The following EPHA3 variants were observed in gnomAD, a reference collection of about 807,000 sequenced individuals.
EPHA3 encodes the protein ephrin type-A receptor 3.
In EPHA3, 42 loss-of-function variants were observed where a neutral mutation model predicts 107.1. That is an observed-to-expected ratio of 0.39 (90% CI 0.31 to 0.51). EPHA3 has a LOEUF of 0.51. Ranked by LOEUF, EPHA3 falls within the 20% of genes least tolerant of loss-of-function variation. The pLI is 0.78. For synonymous variants in EPHA3, 461 were observed against 424.8 expected (o/e 1.09, Z -1.05); for missense variants, 1,183 against 1,211.2 (o/e 0.98, Z 0.35).
chr3:89,410,100 T>A (rs531750299), intron 9 of EPHA3, among the ~76,000 whole-genome samples: 1 of 151,940 alleles, frequency 6.6e-6, no homozygotes, highest in Non-Finnish European at 1.5e-5. Flanking sequence ...GGGTCAGCAG[T>A]TAAAGATCAG....
At chr3:89,349,434 G>A (rs1707751318) in intron 5 of EPHA3, among the ~76,000 whole-genome samples, 2 of 138,748 alleles carry the variant, frequency 1.4e-5, no homozygotes, top group African/African-American at 5.6e-5. Context: ...GACTAGGATT[G>A]CAACCCCTGC....
At chr3:89,223,224 T>C (rs1201608037) in intron 3 of EPHA3, among the ~76,000 whole-genome samples, 2 of 152,260 alleles carry the variant, frequency 1.3e-5, no homozygotes, top group Non-Finnish European at 2.9e-5. Context: ...AATCAAAATC[T>C]CTGCAAGATG....
chr3:89,184,423 T>C (rs1216114817), intron 2 of EPHA3, among the ~76,000 whole-genome samples: 1 of 152,048 alleles, frequency 6.6e-6, no homozygotes, highest in Non-Finnish European at 1.5e-5. Flanking sequence ...GTTGTTTACA[T>C]TGGCATTAAT....
chr3:89,124,574 T>G (rs1201283222), intron 1 of EPHA3, among the ~76,000 whole-genome samples: 4 of 152,070 alleles, frequency 2.6e-5, no homozygotes, highest in African/African-American at 9.7e-5. Flanking sequence ...TGTATTTAGG[T>G]CATGTAATTG....
At position 89,449,245 on chromosome 3, in the gene EPHA3, G is replaced by T; in HGVS notation, c.2367G>T (p.Arg789Ser). 6.2e-7 allele frequency: 1 copy of T among 1,607,088 alleles called. No homozygotes were observed. Among genetic ancestry groups the T allele is most frequent in the African/African-American group, 1.3e-5 (1 of 74,892 alleles). The change falls in exon 14 of 17, where the codon AGG becomes AGT. Residue 789 changes from arginine (R) to serine (S), a missense_variant. Coordinates refer to ENST00000336596, the MANE Select transcript of EPHA3 (RefSeq NM_005233.6). ...CAAAGGGAGGGAAGATCCCAATCAG[G>T]TGGACATCACCAGAAGCTATAGCCT... is the stretch of plus-strand genomic sequence containing the variant. ...YTTRGGKIPIRWTSPEAIAYR... is the reference protein window; with the variant it reads ...YTTRGGKIPISWTSPEAIAYR...
In EPHA3 at chr3:89,273,639, G is replaced by A. The variant is rs150019132; in HGVS notation, c.814+63119G>A. ...AAGTTGCTGTGACTATTGAATTGCT[G>A]CTCCTAGGGGAAATACAAGTTTAGC... On this transcript the variant is annotated intron_variant, in intron 3 of 16. Transcript: ENST00000336596. 3.7e-3 allele frequency among the ~76,000 whole-genome samples: 569 copies of A among 151,914 alleles called. 13 individuals carry two copies. The highest frequency in any genetic ancestry group is 0.027 in the Admixed American group (404 of 15,208).
At chr3:89,208,052 C>T (rs1046863276) in intron 2 of EPHA3, among the ~76,000 whole-genome samples, 3 of 152,056 alleles carry the variant, frequency 2.0e-5, no homozygotes, top group Non-Finnish European at 4.4e-5. Flanking sequence ...CAGAAGAATG[C>T]ACAGTCCCAT....
intron 3 of EPHA3, among the ~76,000 whole-genome samples, chr3:89,303,543 G>A (rs1166267890): frequency 2.1e-4 from 32 of 151,362 alleles, no homozygotes; most frequent in South Asian, 1.9e-3. Context: ...ATTAGAATAG[G>A]TTGTCACATA....
rs112258011 is a variant in EPHA3 at position 89,289,812 on chromosome 3, A to G, written c.815-51104A>G. ...AAGGCTGCGATTCCTACCCCTTGCC[A>G]CTCTGCCATTCTTCCTTTGTTTCCA... On this transcript the variant is annotated intron_variant, in intron 3 of 16. Coordinates refer to ENST00000336596, the MANE Select transcript of EPHA3 (RefSeq NM_005233.6). Among the ~76,000 whole-genome samples, 3 of 152,016 alleles carry G rather than the reference A, an allele frequency of 2.0e-5. 1 individual carries two copies. Among genetic ancestry groups the G allele is most frequent in the African/African-American group, 7.2e-5 (3 of 41,470 alleles).
At chr3:89,444,190 G>A (rs1709835926) in intron 13 of EPHA3, among the ~76,000 whole-genome samples, 1 of 152,088 alleles carries the variant, frequency 6.6e-6, no homozygotes, top group Non-Finnish European at 1.5e-5. Context: ...TTGAAATAAT[G>A]GTTCGGGTTT....
At chr3:89,212,766 A>G (rs1246650984) in intron 3 of EPHA3, among the ~76,000 whole-genome samples, 2 of 152,024 alleles carry the variant, frequency 1.3e-5, no homozygotes, top group East Asian at 3.9e-4. Context: ...AACTTTGTTT[A>G]GACTTAGTGT....
intron 3 of EPHA3, among the ~76,000 whole-genome samples, chr3:89,296,617 C>T (rs552368803): frequency 2.0e-5 from 3 of 152,168 alleles, no homozygotes; most frequent in Non-Finnish European, 4.4e-5. Context: ...TTATTAAGGG[C>T]CCTTGGATTT....
chr3:89,334,533 T>C (rs35511518), intron 3 of EPHA3, among the ~76,000 whole-genome samples: 71,168 of 152,062 alleles, frequency 0.47, 16,990 homozygotes, highest in African/African-American at 0.53. Flanking sequence ...TTAGTTAACA[T>C]CTGTCATTTT....
intron 15 of EPHA3, among the ~76,000 whole-genome samples, chr3:89,458,080 G>A (rs1159003353): frequency 6.6e-6 from 1 of 152,148 alleles, no homozygotes; most frequent in Non-Finnish European, 1.5e-5. Context: ...TAATTTAAAT[G>A]TTTGAATGCC....
At chr3:89,112,754 T>C (rs1211108436) in intron 1 of EPHA3, among the ~76,000 whole-genome samples, 1 of 151,894 alleles carries the variant, frequency 6.6e-6, no homozygotes, top group Non-Finnish European at 1.5e-5. Flanking sequence ...TTTATAGACA[T>C]TTACTAAAAA....
intron 1 of EPHA3, among the ~76,000 whole-genome samples, chr3:89,111,226 G>A (rs1182477232): frequency 6.6e-6 from 1 of 151,942 alleles, no homozygotes; most frequent in Non-Finnish European, 1.5e-5. Flanking sequence ...CCTTTGAGTA[G>A]TAGGCAAATG....
chr3:89,203,166 A>G (rs1391636474), intron 2 of EPHA3, among the ~76,000 whole-genome samples: 3 of 152,040 alleles, frequency 2.0e-5, no homozygotes, highest in Non-Finnish European at 4.4e-5. Flanking sequence ...TTAAAAGTCC[A>G]GTTGGCCAAG....
chr3:89,252,727 C>T (rs866121545), intron 3 of EPHA3, among the ~76,000 whole-genome samples: 3 of 152,064 alleles, frequency 2.0e-5, no homozygotes, highest in Non-Finnish European at 2.9e-5. Context: ...TTTCTCCATT[C>T]ATATTTTTAA....
At chr3:89,324,549 T>G (rs191357258) in intron 3 of EPHA3, among the ~76,000 whole-genome samples, 1 of 152,108 alleles carries the variant, frequency 6.6e-6, no homozygotes, top group Non-Finnish European at 1.5e-5. Flanking sequence ...GATTTATTTT[T>G]TCTACTTCTA....
Sources: allele counts gnomAD v4.1 joint callset (sites outside exome capture counted in the v4.1 genomes callset), GRCh38; gene constraint gnomAD v4.1.1; transcripts MANE v1.5; gene names NCBI Gene and HGNC (gene_info 2026-07-23, HGNC 2026-07-21).